OTOGL: variants seen among roughly 807,000 people sequenced by gnomAD.
The protein encoded by OTOGL is otogelin-like protein.
Under a neutral mutation model 318.5 loss-of-function variants are expected in OTOGL, and 285 were observed. The ratio of observed to expected loss-of-function variants is 0.89; its 90% confidence interval spans 0.81 to 0.99. OTOGL has a LOEUF of 0.99. OTOGL is among the 50% of genes least tolerant of loss of function. The pLI, the probability that OTOGL is intolerant of heterozygous loss-of-function variation, is 0.00. For synonymous variants in OTOGL, 987 were observed against 936.5 expected (o/e 1.05, Z -0.99); for missense variants, 2,899 against 2,845.6 (o/e 1.02, Z -0.43).
At chr12:80,209,597 A>T (rs1319892056) in intron 2 of OTOGL, 87 bp downstream of exon 2, 19 of 864,510 alleles carry the variant, frequency 2.2e-5, no homozygotes, top group Non-Finnish European at 3.3e-5. Flanking sequence ...CTTATAAAGC[A>T]CTTTGAAGTC....
At chr12:80,184,183 A>G (rs1454096182) in intron 1 of OTOGL, among the ~76,000 whole-genome samples, 1 of 152,206 alleles carries the variant, frequency 6.6e-6, no homozygotes, top group Admixed American at 6.5e-5. Context: ...CAACCCAGTC[A>G]TGACCTTAAA....
At chr12:80,294,221 G>T (rs180965621) in intron 26 of OTOGL, among the ~76,000 whole-genome samples, 1 of 151,726 alleles carries the variant, frequency 6.6e-6, no homozygotes, top group Admixed American at 6.6e-5. Context: ...TGACTTTTAG[G>T]TGTATTGCTA....
chr12:80,158,772 C>T (rs756217369), intron 1 of OTOGL, among the ~76,000 whole-genome samples: 13 of 152,074 alleles, frequency 8.5e-5, no homozygotes, highest in Non-Finnish European at 1.8e-4. Flanking sequence ...ATCATATCAT[C>T]AGCAAACAGT....
chr12:80,170,494 C>A (rs536527525), intron 1 of OTOGL, among the ~76,000 whole-genome samples: 1 of 151,276 alleles, frequency 6.6e-6, no homozygotes, highest in Non-Finnish European at 1.5e-5. Context: ...AGTACAGTGG[C>A]GCGATCTTGG....
intron 1 of OTOGL, among the ~76,000 whole-genome samples, chr12:80,165,777 C>A (rs994908440): frequency 6.6e-6 from 1 of 152,210 alleles, no homozygotes; most frequent in African/African-American, 2.4e-5. Flanking sequence ...TTCTCTTACC[C>A]CTTTAGGCCT....
intron 1 of OTOGL, among the ~76,000 whole-genome samples, chr12:80,198,474 C>A (rs1348287387): frequency 7.2e-5 from 11 of 152,128 alleles, no homozygotes; most frequent in Admixed American, 5.2e-4. Flanking sequence ...ATCCCAGCTA[C>A]CTGGGAGGCT....
intron 11 of OTOGL, among the ~76,000 whole-genome samples, chr12:80,241,654 T>C (rs1397240568): frequency 6.6e-6 from 1 of 152,200 alleles, no homozygotes; most frequent in African/African-American, 2.4e-5. Context: ...AATATTGTTT[T>C]GTAGGTCCAG....
chr12:80,323,121 CACACACACACACACACACACACACACAT>C (rs1165953218), intron 34 of OTOGL, among the ~76,000 whole-genome samples: 3 of 120,502 alleles, frequency 2.5e-5, no homozygotes, highest in Non-Finnish European at 5.7e-5. Flanking sequence ...CACACACACA[CACACACACACACACACACACACACACAT>C]ATATAAAATA....
chr12:80,234,224 T>A (rs1005957505), intron 9 of OTOGL, among the ~76,000 whole-genome samples: 5 of 152,110 alleles, frequency 3.3e-5, no homozygotes, highest in African/African-American at 1.2e-4. Context: ...GCCAGTATTA[T>A]TTTCTGAATT....
intron 1 of OTOGL, among the ~76,000 whole-genome samples, chr12:80,128,666 C>G (rs1203422913): frequency 6.6e-6 from 1 of 152,176 alleles, no homozygotes; most frequent in African/African-American, 2.4e-5. Context: ...GGCAGGCCTC[C>G]ATGAGCTGTG....
chr12:80,145,942 C>T (rs928225143), intron 1 of OTOGL, among the ~76,000 whole-genome samples: 29 of 118,964 alleles, frequency 2.4e-4, no homozygotes, highest in Admixed American at 2.0e-3. Flanking sequence ...TGCTTATCAG[C>T]TGAAGGAGAT....
chr12:80,254,113 C>T (rs140997851), intron 14 of OTOGL, among the ~76,000 whole-genome samples: 5 of 152,176 alleles, frequency 3.3e-5, no homozygotes, highest in Non-Finnish European at 7.4e-5. Context: ...TTCTCAGATG[C>T]TGATTCTGTT....
chr12:80,198,316 G>A (rs1222678750), intron 1 of OTOGL, among the ~76,000 whole-genome samples: 6 of 152,096 alleles, frequency 3.9e-5, no homozygotes, highest in East Asian at 1.9e-4. Context: ...GGCTGGGTGC[G>A]GTGGCTCATG....
At chr12:80,103,808 T>C (rs1361604901) in intron 1 of OTOGL, among the ~76,000 whole-genome samples, 1 of 152,226 alleles carries the variant, frequency 6.6e-6, no homozygotes, top group Non-Finnish European at 1.5e-5. Context: ...ACACAACTAT[T>C]TGAAAAAGAA....
At chr12:80,133,183 GA>G (rs534137854) in intron 1 of OTOGL, among the ~76,000 whole-genome samples, 1 of 151,080 alleles carries the variant, frequency 6.6e-6, no homozygotes, top group African/African-American at 2.4e-5. Context: ...AAATTTCCTT[GA>G]AAAAAAAGAG....
chr12:80,172,625 A>T (rs1322504370), intron 1 of OTOGL, among the ~76,000 whole-genome samples: 4 of 150,078 alleles, frequency 2.7e-5, no homozygotes, highest in Non-Finnish European at 3.0e-5. Flanking sequence ...TTCCTATCTT[A>T]TGTTTTCTAT....
chr12:80,319,538 A>AT (rs1327379402), intron 33 of OTOGL, among the ~76,000 whole-genome samples: 1 of 152,082 alleles, frequency 6.6e-6, no homozygotes, highest in Non-Finnish European at 1.5e-5. Flanking sequence ...CGCTGGTTAC[A>AT]TTTTTTTCTC....
Position 80,266,608 on chromosome 12 carries a change from T to C in OTOGL, c.2382T>C (p.Cys794=), listed in dbSNP as rs1246985601. The change falls in exon 21 of 59, where the codon TGT becomes TGC. Residue 794 remains cysteine, a synonymous_variant. Coordinates refer to ENST00000547103, the MANE Select transcript of OTOGL (RefSeq NM_001378609.3). ...TCTATGAAGACACTCTTAACTTTTG[T>C]GTACCCATGTAAGTCGTAGAAACAG... ...GKFYEDTLNF[C]VPIFHCRCHY... is the part of the protein sequence containing the mutation. 4 of 1,612,976 alleles carry C rather than the reference T, an allele frequency of 2.5e-6. No individual in the cohort carries two copies. The highest frequency in any genetic ancestry group is 2.2e-5 in the East Asian group (1 of 44,872).
chr12:80,253,401 A>T (rs748523417), intron 13 of OTOGL, 65 bp from the exon 14 acceptor site: 428 of 1,414,914 alleles, frequency 3.0e-4, no homozygotes, highest in Non-Finnish European at 4.1e-4. Context: ...TTGAATTATT[A>T]TATTCCAGAA....
Sources: allele counts gnomAD v4.1 joint callset (sites outside exome capture counted in the v4.1 genomes callset), GRCh38; gene constraint gnomAD v4.1.1; transcripts MANE v1.5; gene names NCBI Gene and HGNC (gene_info 2026-07-23, HGNC 2026-07-21).